MYO18B: variants seen among roughly 807,000 people sequenced by gnomAD.
MYO18B encodes the protein myosin XVIIIB.
A neutral mutation model predicts 273.0 loss-of-function variants in MYO18B; 204 were observed. That is an observed-to-expected ratio of 0.75 (90% CI 0.67 to 0.84). The LOEUF (loss-of-function observed/expected upper bound fraction) is 0.84, where lower values mean the gene tolerates loss of function less well. MYO18B is among the 40% of genes least tolerant of loss of function. MYO18B has a pLI of 0.00. For synonymous variants in MYO18B, 1,330 were observed against 1,305.7 expected (o/e 1.02, Z -0.40); for missense variants, 3,212 against 3,287.6 (o/e 0.98, Z 0.56).
intron 11 of MYO18B, 69 bp downstream of exon 11, chr22:25,785,560 C>T (rs2087348206): frequency 1.2e-5 from 18 of 1,496,040 alleles, no homozygotes; most frequent in Middle Eastern, 1.7e-4. Flanking sequence ...GGTGATGAGT[C>T]GCCGTGCAAC....
At chr22:25,813,387 T>G (rs1014254590) in intron 12 of MYO18B, among the ~76,000 whole-genome samples, 1 of 151,978 alleles carries the variant, frequency 6.6e-6, no homozygotes, top group Non-Finnish European at 1.5e-5. Flanking sequence ...GCCTATTGGA[T>G]GATAAGCCCT....
chr22:25,781,940 AC>A, intron 10 of MYO18B, 106 bp downstream of exon 10: 1 of 721,478 alleles, frequency 1.4e-6, no homozygotes, highest in Non-Finnish European at 2.0e-6. Context: ...AGGCCGTGGG[AC>A]CCAGGGATTA....
At chr22:26,024,265 G>C (rs1321624456) in intron 42 of MYO18B, among the ~76,000 whole-genome samples, 1 of 152,124 alleles carries the variant, frequency 6.6e-6, no homozygotes, top group Non-Finnish European at 1.5e-5. Flanking sequence ...ACCATTATTT[G>C]GGTAATTAGG....
chr22:25,959,494 T>C (rs1601690653), intron 39 of MYO18B, among the ~76,000 whole-genome samples: 1 of 152,112 alleles, frequency 6.6e-6, no homozygotes, highest in African/African-American at 2.4e-5. Flanking sequence ...CAGGCTGGTC[T>C]TGGACTGCTG....
At chr22:25,978,482 G>C (rs1258914117) in intron 39 of MYO18B, among the ~76,000 whole-genome samples, 1 of 152,212 alleles carries the variant, frequency 6.6e-6, no homozygotes, top group East Asian at 1.9e-4. Flanking sequence ...TTGGGACAGA[G>C]ACTTTAAAGG....
At chr22:25,789,096 TTCTTCC>T (rs2087534320) in intron 11 of MYO18B, among the ~76,000 whole-genome samples, 1 of 34,172 alleles carries the variant, frequency 2.9e-5, no homozygotes, top group African/African-American at 5.2e-5. Flanking sequence ...CTCCTCCTTC[TTCTTCC>T]TCCTCCTCCT....
At chr22:26,056,380 TAG>T in the MYO18B span, among the ~76,000 whole-genome samples, 1 of 152,208 alleles carries the variant, frequency 6.6e-6, no homozygotes, top group Non-Finnish European at 1.5e-5. Context: ...GGTTGGAAGC[TAG>T]AGAGGTTTGA....
intron 21 of MYO18B, among the ~76,000 whole-genome samples, chr22:25,866,595 C>T (rs1332068187): frequency 6.6e-6 from 1 of 151,876 alleles, no homozygotes; most frequent in Non-Finnish European, 1.5e-5. Context: ...AATCCCAGCA[C>T]TATGGGAGGC....
intron 39 of MYO18B, among the ~76,000 whole-genome samples, chr22:25,969,784 T>A (rs764633535): frequency 6.6e-6 from 1 of 152,334 alleles, no homozygotes; most frequent in East Asian, 1.9e-4. Flanking sequence ...GCACTCACTT[T>A]CTCTGTTTCC....
rs752884386 is a variant in MYO18B at position 25,768,211 on chromosome 22, C to G, written c.295C>G (p.Pro99Ala). Residue 99 changes from proline to alanine, a missense_variant, in exon 4 of 44, where the codon CCT becomes GCT. Transcript: ENST00000335473. ...CTCTCAGGACGACCAGTCAAGCTCT[C>G]CTGGGAGCTCAGACATTCTGGGCAA... ...QISQDDQSSS[P>A]GSSDILGKES... The G allele has an allele frequency of 1.2e-6, 2 of 1,614,008 alleles. No homozygotes were observed. The highest frequency in any genetic ancestry group is 1.7e-6 in the Non-Finnish European group (2 of 1,179,896).
At chr22:25,814,294 C>CTTTTTTTTGTTTTT (rs2088900613) in intron 12 of MYO18B, among the ~76,000 whole-genome samples, 1 of 59,432 alleles carries the variant, frequency 1.7e-5, no homozygotes, top group Non-Finnish European at 3.2e-5. Context: ...AGGCACCGTT[C>CTTTTTTTTGTTTTT]TTTTTTTTTT....
rs953553665 is a variant in MYO18B at position 25,902,475 on chromosome 22, C to G, written c.4824-138C>G. Reference sequence around the variant, plus strand: ...TTCCAACTTCTCATACTTTCTCTATCTCTCTTCTTCCTTTTGCTCTCTTTC... The same window carrying G: ...TTCCAACTTCTCATACTTTCTCTATGTCTCTTCTTCCTTTTGCTCTCTTTC... On this transcript the variant is annotated intron_variant, in intron 29 of 43. Coordinates refer to ENST00000335473, the MANE Select transcript of MYO18B (RefSeq NM_032608.7). 2.0e-5 allele frequency: 19 copies of G among 960,614 alleles called. 1 individual carries two copies. The South Asian group carries it at 3.4e-4, about 17-fold the overall frequency. 59.5% of individuals were successfully genotyped at this position (960,614 alleles called of 1,614,324 possible). A position where few individuals can be genotyped will look rare whatever the true frequency, so the allele number is the denominator to read the frequency against.
chr22:26,055,510 G>A, the MYO18B span, among the ~76,000 whole-genome samples: 73 of 152,336 alleles, frequency 4.8e-4, no homozygotes, highest in African/African-American at 1.7e-3. Context: ...TGAAAAGGGG[G>A]TGCTTTCTCT....
chr22:25,826,641 C>T, intron 14 of MYO18B, 142 bp downstream of exon 14: 1 of 650,036 alleles, frequency 1.5e-6, no homozygotes, highest in East Asian at 2.7e-5. Flanking sequence ...TTAACTTCTA[C>T]CTTGGCCACC....
At chr22:25,953,709 A>G (rs552189692) in intron 38 of MYO18B, 17 of 152,356 alleles carry the variant, frequency 1.1e-4, no homozygotes, top group Non-Finnish European at 1.5e-5. Context: ...ATCACATGCC[A>G]TTTTAAAACT....
At chr22:25,784,170 T>G (rs1172085374) in intron 10 of MYO18B, among the ~76,000 whole-genome samples, 2 of 152,224 alleles carry the variant, frequency 1.3e-5, no homozygotes, top group African/African-American at 4.8e-5. Flanking sequence ...GCAGTCTCCC[T>G]TCCTCACCAG....
the MYO18B span, among the ~76,000 whole-genome samples, chr22:26,058,006 C>CA: frequency 6.6e-6 from 1 of 152,142 alleles, no homozygotes; most frequent in African/African-American, 2.4e-5. Flanking sequence ...TCCATGCAGG[C>CA]ACTCCCAATC....
intron 29 of MYO18B, among the ~76,000 whole-genome samples, chr22:25,901,702 CGTTT>C (rs2091938633): frequency 1.3e-5 from 2 of 150,636 alleles, no homozygotes; most frequent in African/African-American, 4.9e-5. Context: ...TACATCCATT[CGTTT>C]GTTCATTGGT....
At chr22:25,773,704 C>T (rs2086811377) in intron 7 of MYO18B, among the ~76,000 whole-genome samples, 1 of 152,190 alleles carries the variant, frequency 6.6e-6, no homozygotes, top group South Asian at 2.1e-4. Context: ...AGCTCGTGAT[C>T]CGCCCGCCTC....
Sources: gnomAD v4.1 joint callset for allele counts (sites outside exome capture counted in the v4.1 genomes callset) on GRCh38, gnomAD v4.1.1 for gene constraint, MANE v1.5 for transcripts, NCBI Gene and HGNC (gene_info 2026-07-23, HGNC 2026-07-21) for gene names.